DLG2: variants seen among roughly 807,000 people sequenced by gnomAD.
DLG2 encodes the protein disks large homolog 2.
Under a neutral mutation model 132.5 loss-of-function variants are expected in DLG2, and 45 were observed. That is an observed-to-expected ratio of 0.34 (90% CI 0.27 to 0.44). The LOEUF (loss-of-function observed/expected upper bound fraction) is 0.44, where lower values mean the gene tolerates loss of function less well. DLG2 is among the 20% of genes least tolerant of loss of function. The probability of loss-of-function intolerance (pLI) is 1.00; values close to 1 mark genes in which losing one functional copy is unlikely to be tolerated. For synonymous variants in DLG2, 424 were observed against 419.6 expected, an observed-to-expected ratio of 1.01 and a Z score of -0.13; for missense variants, 1,045 against 1,196.9, an observed-to-expected ratio of 0.87 and a Z score of 1.87.
chr11:84,827,327 A>T (rs1379698211), intron 6 of DLG2, among the ~76,000 whole-genome samples: 1 of 151,684 alleles, frequency 6.6e-6, no homozygotes, highest in Admixed American at 6.6e-5. Flanking sequence ...ATTTACAATG[A>T]CTAGAAGACA....
intron 7 of DLG2, among the ~76,000 whole-genome samples, chr11:84,260,067 A>G (rs573237744): frequency 2.0e-5 from 3 of 152,320 alleles, no homozygotes; most frequent in Non-Finnish European, 4.4e-5. Flanking sequence ...ACAAAGTAGT[A>G]AAATATTTTG....
Position 85,244,526 on chromosome 11 carries a change from A to G in DLG2, c.186+40694T>C, listed in dbSNP as rs1251572615. On this transcript the variant is annotated intron_variant, in intron 4 of 27. Coordinates refer to ENST00000376104, the MANE Select transcript of DLG2 (RefSeq NM_001142699.3). ...GCTGTGAAATGAATGGGCAACCATA[A>G]TGGGATGGTGTAATGAATTTGTGAC... Among the ~76,000 whole-genome samples, 3 of 152,034 alleles carry G rather than the reference A, an allele frequency of 2.0e-5. No individual in the cohort carries two copies. The East Asian group carries it at 5.8e-4, about 29-fold the overall frequency.
At chr11:85,432,717 G>A (rs1437077634) in intron 3 of DLG2, among the ~76,000 whole-genome samples, 1 of 152,086 alleles carries the variant, frequency 6.6e-6, no homozygotes, top group Non-Finnish European at 1.5e-5. Flanking sequence ...AAAGAGAGGA[G>A]AATAGAACCA....
intron 7 of DLG2, among the ~76,000 whole-genome samples, chr11:84,420,827 C>T (rs1003239693): frequency 1.3e-5 from 2 of 151,338 alleles, no homozygotes; most frequent in East Asian, 2.0e-4. Flanking sequence ...CGCCACCACG[C>T]CCGGCTAATT....
intron 8 of DLG2, among the ~76,000 whole-genome samples, chr11:84,250,076 C>T (rs1301052522): frequency 2.0e-5 from 3 of 152,192 alleles, no homozygotes; most frequent in Admixed American, 2.0e-4. Flanking sequence ...TAACATCTCT[C>T]AAAAGGCAGC....
At chr11:85,130,435 A>T (rs534109478) in intron 5 of DLG2, among the ~76,000 whole-genome samples, 16 of 152,112 alleles carry the variant, frequency 1.1e-4, no homozygotes, top group Non-Finnish European at 2.2e-4. Flanking sequence ...ACAGTGAGGG[A>T]CTTTCATGCC....
chr11:84,195,320 C>G (rs1468612064), intron 8 of DLG2, among the ~76,000 whole-genome samples: 1 of 152,136 alleles, frequency 6.6e-6, no homozygotes, highest in African/African-American at 2.4e-5. Context: ...CACGCCACCA[C>G]GTCCAGGTAA....
chr11:84,975,104 A>T (rs1423211033), intron 6 of DLG2, among the ~76,000 whole-genome samples: 2 of 152,128 alleles, frequency 1.3e-5, no homozygotes, highest in Admixed American at 1.3e-4. Flanking sequence ...TAACAGTGAG[A>T]ATGGGTAAGG....
chr11:84,130,526 A>G (rs554820611), intron 9 of DLG2, among the ~76,000 whole-genome samples: 3,058 of 55,038 alleles, frequency 0.056, 42 homozygotes, highest in Middle Eastern at 0.14. Flanking sequence ...ACACACACAT[A>G]TATGTGTGTG....
intron 14 of DLG2, among the ~76,000 whole-genome samples, chr11:83,939,412 C>A (rs563714976): frequency 1.3e-5 from 2 of 151,976 alleles, no homozygotes; most frequent in Non-Finnish European, 2.9e-5. Flanking sequence ...TACTATGAAA[C>A]CACAGTGTAG....
chr11:83,960,298 T>C (rs1591862418), intron 14 of DLG2, among the ~76,000 whole-genome samples: 1 of 152,094 alleles, frequency 6.6e-6, no homozygotes, highest in Non-Finnish European at 1.5e-5. Flanking sequence ...TCTCTTGTGG[T>C]GTTAGGGAAC....
At position 83,472,859 on chromosome 11, in the gene DLG2, C is replaced by T. The variant is rs901263608; in HGVS notation, c.2294-82G>A. The T allele has an allele frequency of 4.3e-6, 5 of 1,157,056 alleles. No individual in the cohort carries two copies. In the African/African-American group the frequency reaches 6.2e-5, roughly 14 times the overall value. 71.7% of individuals were successfully genotyped at this position (1,157,056 alleles called of 1,614,324 possible). On this transcript the variant is annotated intron_variant, in intron 22 of 27. Transcript: ENST00000376104. Reference sequence around the variant, plus strand: ...AAGCCCTGCTCTGAAACACAGGAAACAGACACAGCTCAGAGTTAATTCTCC... The same window carrying T: ...AAGCCCTGCTCTGAAACACAGGAAATAGACACAGCTCAGAGTTAATTCTCC...
At chr11:85,263,338 G>A (rs1005423287) in intron 4 of DLG2, among the ~76,000 whole-genome samples, 3 of 152,198 alleles carry the variant, frequency 2.0e-5, no homozygotes, top group African/African-American at 7.2e-5. Context: ...CTTCATGGGA[G>A]AATTTAGAGT....
chr11:85,050,457 C>T (rs1313825944), intron 6 of DLG2, among the ~76,000 whole-genome samples: 2 of 152,058 alleles, frequency 1.3e-5, no homozygotes, highest in African/African-American at 2.4e-5. Flanking sequence ...ATATCACCTC[C>T]AGCTTGAAGT....
intron 11 of DLG2, among the ~76,000 whole-genome samples, chr11:84,056,901 G>GGAA (rs1221417649): frequency 1.3e-5 from 2 of 152,094 alleles, no homozygotes; most frequent in African/African-American, 4.8e-5. Flanking sequence ...AGGCCCAATA[G>GGAA]TCTCACCTCT....
intron 6 of DLG2, among the ~76,000 whole-genome samples, chr11:84,987,880 A>G (rs1566584713): frequency 6.6e-6 from 1 of 152,202 alleles, no homozygotes; most frequent in East Asian, 1.9e-4. Flanking sequence ...ATGACCAAGA[A>G]CCCAAAAGCA....
At chr11:84,300,357 T>C (rs1471938839) in intron 7 of DLG2, among the ~76,000 whole-genome samples, 1 of 151,694 alleles carries the variant, frequency 6.6e-6, no homozygotes, top group African/African-American at 2.4e-5. Context: ...TATATCAGGG[T>C]GAAAAAAAAA....
At chr11:85,580,259 A>G (rs1056433558) in intron 3 of DLG2, among the ~76,000 whole-genome samples, 1 of 152,180 alleles carries the variant, frequency 6.6e-6, no homozygotes, top group Admixed American at 6.5e-5. Flanking sequence ...GCAGCATAAA[A>G]ACGGACTAAT....
chr11:85,496,771 T>C (rs1258781818), intron 3 of DLG2, among the ~76,000 whole-genome samples: 2 of 152,134 alleles, frequency 1.3e-5, no homozygotes, highest in Admixed American at 6.5e-5. Context: ...CCACCAGTGA[T>C]ACCCAGGCAA....
Sources: allele counts gnomAD v4.1 joint callset (sites outside exome capture counted in the v4.1 genomes callset), GRCh38; gene constraint gnomAD v4.1.1; transcripts MANE v1.5; gene names NCBI Gene and HGNC (gene_info 2026-07-23, HGNC 2026-07-21).